NBEAL1: variants seen among roughly 807,000 people sequenced by gnomAD.
NBEAL1 encodes the protein neurobeachin like 1, also known as neurobeachin-like protein 1.
A neutral mutation model predicts 351.3 loss-of-function variants in NBEAL1; 273 were observed. The ratio of observed to expected loss-of-function variants is 0.78; its 90% confidence interval spans 0.70 to 0.86. NBEAL1 has a LOEUF of 0.86. NBEAL1 is among the 40% of genes least tolerant of loss of function. The pLI is 0.00. For synonymous variants in NBEAL1, 1,050 were observed against 1,086.4 expected (o/e 0.97, Z 0.66); for missense variants, 2,961 against 3,201.3 (o/e 0.92, Z 1.81).
intron 36 of NBEAL1, 141 bp downstream of exon 36, chr2:203,157,966 A>T: frequency 1.7e-6 from 1 of 578,042 alleles, no homozygotes; most frequent in Non-Finnish European, 2.7e-6. Flanking sequence ...TTTTATCAGT[A>T]TTAACTGAGA....
rs193284159 is a variant in NBEAL1 at position 203,105,102 on chromosome 2, C to T, written c.1270-2318C>T. 4.0e-4 allele frequency among the ~76,000 whole-genome samples: 61 copies of T among 151,964 alleles called. No individual in the cohort carries two copies. The East Asian group carries it at 0.012, about 29-fold the overall frequency. On this transcript the variant is annotated intron_variant, in intron 12 of 55. Transcript: ENST00000683969. ...TGGAACTCCTGACCTCGTGATCTAC[C>T]CCCCTCAGCCTCCCAAAGTCTGGGA...
chr2:203,197,514 A>G, intron 48 of NBEAL1, 123 bp downstream of exon 48: 1 of 578,836 alleles, frequency 1.7e-6, no homozygotes, highest in South Asian at 2.6e-5. Context: ...CATGCCTGTA[A>G]TCCCAGCGCT....
chr2:203,097,934 G>A (rs1026902556), intron 11 of NBEAL1, among the ~76,000 whole-genome samples: 1 of 152,058 alleles, frequency 6.6e-6, no homozygotes, highest in African/African-American at 2.4e-5. Context: ...TGTCCACCTG[G>A]TGGTGACTTT....
intron 14 of NBEAL1, 51 bp downstream of exon 14, chr2:203,108,239 G>A (rs905856492): frequency 7.5e-7 from 1 of 1,336,256 alleles, no homozygotes; most frequent in African/African-American, 1.5e-5. Context: ...AACAATATAT[G>A]CTGTGATTCT....
At chr2:203,068,345 T>C (rs757200816) in intron 6 of NBEAL1, 48 bp from the exon 7 acceptor site, 1 of 885,350 alleles carries the variant, frequency 1.1e-6, no homozygotes, top group South Asian at 2.0e-5. Flanking sequence ...TTGTGCCGTG[T>C]CTGCTTGCCC....
rs555608557 is a variant in NBEAL1, at chr2:203,057,563, C to A, written c.515+110C>A. ...GCAATTGGAAAGAAGTATATAAGAC[C>A]CACAGATTTAACTCTGAGCTAGAGA... On this transcript the variant is annotated intron_variant, in intron 6 of 55. Transcript: ENST00000683969. 2.4e-5 allele frequency: 20 copies of A among 839,560 alleles called. No individual in the cohort carries two copies. In the African/African-American group the frequency reaches 3.4e-4, roughly 14 times the overall value. The allele number at this position is 839,560 out of a possible 1,614,324, so 52.0% of individuals were successfully genotyped here.
At chr2:203,195,411 A>G (rs543575594) in intron 47 of NBEAL1, among the ~76,000 whole-genome samples, 1 of 152,276 alleles carries the variant, frequency 6.6e-6, no homozygotes, top group South Asian at 2.1e-4. Flanking sequence ...TGCAATACAA[A>G]CTCTACAAAC....
intron 7 of NBEAL1, among the ~76,000 whole-genome samples, chr2:203,072,435 G>C (rs2061698932): frequency 6.6e-6 from 1 of 150,970 alleles, no homozygotes; most frequent in African/African-American, 2.4e-5. Context: ...AATTTGGATA[G>C]ACTGAGAATT....
chr2:203,151,384 A>G (rs973433874), intron 34 of NBEAL1, 81 bp from the exon 35 acceptor site: 7 of 1,030,908 alleles, frequency 6.8e-6, no homozygotes, highest in African/African-American at 1.6e-5. Flanking sequence ...AATACTTGAT[A>G]CTTTTTTACA....
intron 48 of NBEAL1, among the ~76,000 whole-genome samples, chr2:203,198,530 A>G (rs1483004651): frequency 1.3e-5 from 2 of 152,112 alleles, no homozygotes; most frequent in African/African-American, 2.4e-5. Flanking sequence ...ATAAGTGCTA[A>G]TAAACTTTGA....
chr2:203,138,534 G>A, intron 30 of NBEAL1, 86 bp from the exon 31 acceptor site: 4 of 1,345,590 alleles, frequency 3.0e-6, no homozygotes, highest in Non-Finnish European at 1.0e-6. Context: ...AATATTTGTG[G>A]TTTGTATTAA....
intron 21 of NBEAL1, 77 bp from the exon 22 acceptor site, chr2:203,126,480 A>G: frequency 8.9e-7 from 1 of 1,124,994 alleles, no homozygotes; most frequent in Non-Finnish European, 1.2e-6. Flanking sequence ...AGATGTTCTG[A>G]TTAATGATTT....
chr2:203,197,479 C>T (rs895368068), intron 48 of NBEAL1, 88 bp downstream of exon 48: 1 of 933,960 alleles, frequency 1.1e-6, no homozygotes, highest in Non-Finnish European at 1.7e-6. Flanking sequence ...TTTTAAAAGC[C>T]ACTTTTTGGC....
At chr2:203,027,008 T>G (rs2060870310) in intron 2 of NBEAL1, among the ~76,000 whole-genome samples, 1 of 152,200 alleles carries the variant, frequency 6.6e-6, no homozygotes, top group Non-Finnish European at 1.5e-5. Context: ...TGATTTCTTC[T>G]TATTATTTTT....
At chr2:203,096,280 C>A (rs1029911100) in intron 10 of NBEAL1, among the ~76,000 whole-genome samples, 2 of 152,154 alleles carry the variant, frequency 1.3e-5, no homozygotes, top group Non-Finnish European at 2.9e-5. Flanking sequence ...GTGTATATAT[C>A]AATTTATTGT....
intron 1 of NBEAL1, among the ~76,000 whole-genome samples, chr2:203,015,609 C>T (rs1032040725): frequency 1.3e-5 from 2 of 151,976 alleles, no homozygotes; most frequent in African/African-American, 4.8e-5. Flanking sequence ...TACAGGTGCC[C>T]GCCACCACGC....
At chr2:203,050,234 TAAAAAAGA>T (rs910385233) in intron 4 of NBEAL1, 5 of 245,188 alleles carry the variant, frequency 2.0e-5, no homozygotes, top group Non-Finnish European at 3.8e-5. Context: ...ATTAAGTAAA[TAAAAAAGA>T]AAAAAAGAAA....
In NBEAL1 at chr2:203,181,919, G is replaced by T. The variant is rs181820349; in HGVS notation, c.6596-1360G>T. The T allele has an allele frequency of 1.7e-3, 261 of 152,280 alleles. 1 individual carries two copies. Among genetic ancestry groups the T allele is most frequent in the African/African-American group, 5.7e-3 (235 of 41,552 alleles). 9.4% of individuals were successfully genotyped at this position (152,280 alleles called of 1,614,324 possible). On this transcript the variant is annotated intron_variant, in intron 43 of 55. Transcript: ENST00000683969. ...GATGAGCAGACTACATTTGGATAAA[G>T]AATTTATAAGGTACTCTTTAACAAT...
chr2:203,159,397 C>A (rs2063886128), intron 36 of NBEAL1, among the ~76,000 whole-genome samples: 1 of 152,024 alleles, frequency 6.6e-6, no homozygotes, highest in South Asian at 2.1e-4. Context: ...CATAACCTGG[C>A]AACCACTAAT....
Sources: gnomAD v4.1 joint callset for allele counts (sites outside exome capture counted in the v4.1 genomes callset) on GRCh38, gnomAD v4.1.1 for gene constraint, MANE v1.5 for transcripts, NCBI Gene and HGNC (gene_info 2026-07-23, HGNC 2026-07-21) for gene names.